Variants in GPC1 observed in about 807,000 individuals in gnomAD.
The protein encoded by GPC1 is glypican-1.
A neutral mutation model predicts 51.5 loss-of-function variants in GPC1; 26 were observed. The ratio of observed to expected loss-of-function variants is 0.50; its 90% CI spans 0.37 to 0.70. The LOEUF (loss-of-function observed/expected upper bound fraction) is 0.70, where lower values mean the gene tolerates loss of function less well. GPC1 is among the 30% of genes least tolerant of loss of function. GPC1 has a pLI of 0.00. For synonymous variants in GPC1, 380 were observed against 348.3 expected (o/e 1.09, Z -1.01); for missense variants, 775 against 800.5 (o/e 0.97, Z 0.38).
intron 1 of GPC1, among the ~76,000 whole-genome samples, chr2:240,436,702 T>C (rs889089390): frequency 6.6e-6 from 1 of 152,218 alleles, no homozygotes; most frequent in Non-Finnish European, 1.5e-5. Context: ...TGGGCACTTA[T>C]CCGCGGGCGG....
intron 1 of GPC1, among the ~76,000 whole-genome samples, chr2:240,440,481 C>G (rs1015149151): frequency 1.3e-5 from 2 of 152,226 alleles, no homozygotes; most frequent in African/African-American, 2.4e-5. Context: ...GCCCGCTCTC[C>G]TGTCCTGGGC....
intron 3 of GPC1, among the ~76,000 whole-genome samples, chr2:240,462,945 C>T (rs113480469): frequency 9.1e-4 from 138 of 152,272 alleles, no homozygotes; most frequent in African/African-American, 3.0e-3. Flanking sequence ...CAGGGTGGGG[C>T]CCCAGAGCCT....
At position 240,462,476 on chromosome 2, in the gene GPC1, A is replaced by T. The variant is rs759138727; in HGVS notation, c.611A>T (p.Glu204Val). 84 of 1,601,424 alleles carry T rather than the reference A, an allele frequency of 5.2e-5. No individual in the cohort carries two copies. Among genetic ancestry groups the T allele is most frequent in the Admixed American group, 8.4e-5 (5 of 59,486 alleles). The change falls in exon 3 of 9, where the codon GAG (glutamate) becomes GTG (valine). Residue 204 changes from glutamate to valine, a missense_variant. Glu to Val is a moderately radical substitution (Grantham distance 121). Transcript: ENST00000264039. The part of the protein sequence containing the change: ...KQAEALRPFG[E>V]APRELRLRAT... ...GCCGAGGCGCTGCGGCCCTTCGGGG[A>T]GGCCCCGAGAGAGCTGCGCCTGCGG...
chr2:240,465,083 G>C lies in GPC1; in HGVS notation c.1141G>C (p.Glu381Gln), dbSNP rs762968771. The C allele has an allele frequency of 6.2e-7, 1 of 1,605,924 alleles. No homozygotes were observed. The highest frequency in any genetic ancestry group is 8.5e-7 in the Non-Finnish European group (1 of 1,177,218). Residue 381 changes from glutamate to glutamine, a missense_variant, in exon 7 of 9, where the codon GAA becomes CAA. Coordinates refer to ENST00000264039, the MANE Select transcript of GPC1 (RefSeq NM_002081.3). ...PSGTLEKLVS[E>Q]AKAQLRDVQD... ...CCTGACTGCTGCCCCACAGGTCTCC[G>C]AAGCCAAGGCCCAGCTCCGCGACGT...
chr2:240,451,120 C>T (rs911991982), intron 1 of GPC1: 6 of 470,982 alleles, frequency 1.3e-5, no homozygotes, highest in Admixed American at 4.7e-5. Context: ...GCTCCCTCCC[C>T]TTCTGTTCCT....
intron 2 of GPC1, 77 bp downstream of exon 2, chr2:240,459,265 G>A: frequency 7.4e-7 from 1 of 1,344,444 alleles, no homozygotes; most frequent in Non-Finnish European, 1.0e-6. Context: ...GCCTTGCCTG[G>A]TGTGTCAATG....
chr2:240,463,293 G>C, intron 3 of GPC1, 54 bp from the exon 4 acceptor site: 1 of 1,537,088 alleles, frequency 6.5e-7, no homozygotes, highest in Non-Finnish European at 9.0e-7. Context: ...GGGCTGGCCG[G>C]GGCCAGGCAC....
At chr2:240,445,067 C>T (rs573979143) in intron 1 of GPC1, among the ~76,000 whole-genome samples, 2 of 152,296 alleles carry the variant, frequency 1.3e-5, no homozygotes, top group African/African-American at 2.4e-5. Context: ...AAGTCTCTCA[C>T]GTAATCCAGC....
intron 1 of GPC1, among the ~76,000 whole-genome samples, chr2:240,447,589 C>T (rs544359749): frequency 4.0e-4 from 61 of 152,322 alleles, no homozygotes; most frequent in Middle Eastern, 3.4e-3. Flanking sequence ...AGATCATGGC[C>T]GTTCCTGGTG....
In GPC1 at chr2:240,465,549, C is replaced by G. The variant is rs866763674; in HGVS notation, c.1345C>G (p.Pro449Ala). Residue 449 changes from proline (P) to alanine (A), a missense_variant, in exon 8 of 9, where the codon CCG becomes GCG. Physicochemically the swap from Pro to Ala is conservative, Grantham distance 27. Coordinates refer to ENST00000264039, the MANE Select transcript of GPC1 (RefSeq NM_002081.3). ...CGAGGTGGAGGTGGACATCACCAAG[C>G]CGGACATGACCATCCGGCAGCAGAT... ...NPEVEVDITKPDMTIRQQIMQ... is the reference protein window; with the variant it reads ...NPEVEVDITKADMTIRQQIMQ... 2 of 1,613,060 alleles carry G rather than the reference C, an allele frequency of 1.2e-6. No homozygotes were observed.
intron 1 of GPC1, among the ~76,000 whole-genome samples, chr2:240,457,072 C>T (rs79351017): frequency 6.6e-6 from 1 of 152,144 alleles, no homozygotes; most frequent in South Asian, 2.1e-4. Flanking sequence ...CTTGCCATTC[C>T]CGCTCTGTCT....
chr2:240,456,802 A>G lies in GPC1; in HGVS notation c.167-2228A>G, dbSNP rs1390743783. On this transcript the variant is annotated intron_variant, in intron 1 of 8. Transcript: ENST00000264039. ...GACTGGGGCAGAATCCCATCAGTGA[A>G]TAAAGGCTGCAGAGTGAAGGATGGT... The G allele has an allele frequency of 8.6e-5, 30 of 349,372 alleles. 2 individuals carry two copies. In the Admixed American group the frequency reaches 1.1e-3, roughly 12 times the overall value. 21.6% of individuals were successfully genotyped at this position (349,372 alleles called of 1,614,324 possible).
intron 1 of GPC1, among the ~76,000 whole-genome samples, chr2:240,444,128 C>G (rs1035921118): frequency 1.3e-5 from 2 of 152,146 alleles, no homozygotes; most frequent in African/African-American, 4.8e-5. Context: ...GTGTCGGGGC[C>G]ATGTGAGGAC....
At chr2:240,463,706 G>A in intron 4 of GPC1, 194 bp downstream of exon 4, 1 of 583,000 alleles carries the variant, frequency 1.7e-6, no homozygotes, top group South Asian at 2.1e-5. Flanking sequence ...TGAGTGATGT[G>A]TGACTTGGGG....
At chr2:240,445,184 T>A (rs144466700) in intron 1 of GPC1, among the ~76,000 whole-genome samples, 43 of 152,094 alleles carry the variant, frequency 2.8e-4, no homozygotes, top group African/African-American at 1.0e-3. Context: ...ACACCCAGGA[T>A]GGTAGGTGTT....
intron 1 of GPC1, among the ~76,000 whole-genome samples, chr2:240,446,167 G>T (rs11685653): frequency 0.77 from 117,944 of 152,234 alleles, 46,201 homozygotes; most frequent in Non-Finnish European, 0.83. Context: ...GAGGGCCCAC[G>T]GTGGCCTAGG....
At position 240,465,150 on chromosome 2, in the gene GPC1, A is replaced by T; in HGVS notation, c.1208A>T (p.Glu403Val). 8.7e-6 allele frequency: 14 copies of T among 1,612,478 alleles called. No individual in the cohort carries two copies. The highest frequency in any genetic ancestry group is 1.2e-5 in the Non-Finnish European group (14 of 1,179,796). ...AGCCTCCCAGGGACACTGTGCAGTGAGAAGATGGCCCTGAGCACTGCCAGT... is the reference window on the plus strand; with the variant it reads ...AGCCTCCCAGGGACACTGTGCAGTGTGAAGATGGCCCTGAGCACTGCCAGT... Reference protein sequence around the residue: ...WISLPGTLCSEKMALSTASDD... With the variant: ...WISLPGTLCSVKMALSTASDD... Residue 403 changes from glutamate to valine, a missense_variant, in exon 7 of 9, where the codon GAG (glutamate) becomes GTG (valine). Coordinates refer to ENST00000264039, the MANE Select transcript of GPC1 (RefSeq NM_002081.3).
Position 240,464,906 on chromosome 2 carries a change from T to C in GPC1, c.1065T>C (p.Pro355=), listed in dbSNP as rs746846972. The change falls in exon 6 of 9, where the codon CCT becomes CCC. Residue 355 remains proline, a synonymous_variant. Coordinates refer to ENST00000264039, the MANE Select transcript of GPC1 (RefSeq NM_002081.3). ...NPKVNPQGPG[P]EEKRRRGKLA... is the part of the protein sequence containing the mutation. ...AGGTCAACCCCCAGGGCCCCGGGCC[T>C]GAGGAGAAGCGGCGCCGGGGCAAGC... 48 of 1,551,576 alleles carry C rather than the reference T, an allele frequency of 3.1e-5. No homozygotes were observed. The highest frequency in any genetic ancestry group is 3.8e-5 in the Non-Finnish European group (44 of 1,147,856).
At chr2:240,449,283 G>C (rs1029920820) in intron 1 of GPC1, 1 of 154,596 alleles carries the variant, frequency 6.5e-6, no homozygotes, top group Non-Finnish European at 1.4e-5. Context: ...GGCTGCTGCG[G>C]GTGGGGAGAC....
Sources: gnomAD v4.1 joint callset for allele counts (sites outside exome capture counted in the v4.1 genomes callset) on GRCh38, gnomAD v4.1.1 for gene constraint, MANE v1.5 for transcripts, NCBI Gene and HGNC (gene_info 2026-07-23, HGNC 2026-07-21) for gene names.